The following ANKRD30B variants were observed in gnomAD, a reference collection of about 807,000 sequenced individuals.
ANKRD30B encodes the protein ankyrin repeat domain 30B, also known as ankyrin repeat domain-containing protein 30B.
Under a neutral mutation model 202.2 loss-of-function variants are expected in ANKRD30B, and 144 were observed. That is an observed-to-expected ratio of 0.71 (90% CI 0.62 to 0.82). The LOEUF is 0.82. Among genes scored for constraint, ANKRD30B ranks in the 40% least tolerant of loss-of-function variants. ANKRD30B has a pLI of 0.00. For synonymous variants in ANKRD30B, 508 were observed against 561.3 expected (o/e 0.91, Z 1.34); for missense variants, 1,487 against 1,669.1 (o/e 0.89, Z 1.90).
chr18:14,865,616 GT>G, the ANKRD30B span, among the ~76,000 whole-genome samples: 7 of 145,314 alleles, frequency 4.8e-5, no homozygotes, highest in East Asian at 6.2e-4. Flanking sequence ...TCTACCCCCA[GT>G]TTTTTTTTTC....
intron 6 of ANKRD30B, among the ~76,000 whole-genome samples, chr18:14,761,808 G>T (rs1915304499): frequency 6.6e-6 from 1 of 152,130 alleles, no homozygotes; most frequent in African/African-American, 2.4e-5. Context: ...ACAATAAATG[G>T]TTTGCATTTA....
At chr18:14,789,160 T>A (rs1182968014) in intron 15 of ANKRD30B, among the ~76,000 whole-genome samples, 2 of 152,372 alleles carry the variant, frequency 1.3e-5, no homozygotes, top group East Asian at 3.9e-4. Flanking sequence ...GTGAGCATTT[T>A]TTCATGTGTT....
the ANKRD30B span, among the ~76,000 whole-genome samples, chr18:14,912,334 G>A: frequency 3.9e-5 from 6 of 152,134 alleles, no homozygotes; most frequent in Non-Finnish European, 8.8e-5. Flanking sequence ...ATGAAAGAAT[G>A]CTGAATTTTA....
chr18:14,831,420 A>G lies in ANKRD30B; in HGVS notation c.2812A>G (p.Thr938Ala), dbSNP rs749360616. The change falls in exon 34 of 44, where the codon ACA becomes GCA. Residue 938 changes from threonine (T) to alanine (A), a missense_variant. Physicochemically the swap from Thr to Ala is moderately conservative, Grantham distance 58. This residue lies in a region of ANKRD30B where 218 missense variants were observed against 320.1 expected (regional missense o/e 0.68). Coordinates refer to ENST00000690538, the MANE Select transcript of ANKRD30B (RefSeq NM_001367607.2). ...ACCGACTACTGAAAATTCACAGTCT[A>G]CAAAAGTTGAGGAAGACTTTAATCT... ...GKPTTENSQS[T>A]KVEEDFNLTT... The G allele has an allele frequency of 6.5e-6, 10 of 1,534,060 alleles. No individual in the cohort carries two copies. Among genetic ancestry groups the G allele is most frequent in the Non-Finnish European group, 8.8e-7 (1 of 1,139,014 alleles).
intron 30 of ANKRD30B, among the ~76,000 whole-genome samples, chr18:14,817,516 T>C (rs907808482): frequency 7.9e-5 from 12 of 152,172 alleles, no homozygotes; most frequent in African/African-American, 2.9e-4. Context: ...TGATAAACGG[T>C]TCGTTGATGA....
At chr18:14,860,164 C>T in the ANKRD30B span, among the ~76,000 whole-genome samples, 2 of 143,956 alleles carry the variant, frequency 1.4e-5, no homozygotes, top group African/African-American at 2.6e-5. Flanking sequence ...GGTGTGTCAT[C>T]CATGCAGAGG....
At chr18:14,833,050 C>T (rs1971021048) in intron 34 of ANKRD30B, among the ~76,000 whole-genome samples, 2 of 151,542 alleles carry the variant, frequency 1.3e-5, no homozygotes, top group Admixed American at 6.6e-5. Flanking sequence ...AATTCTCCTG[C>T]GTCAGCCTCC....
chr18:14,852,435 A>C lies in ANKRD30B; in HGVS notation c.4476+15A>C. 7 of 1,510,528 alleles carry C rather than the reference A, an allele frequency of 4.6e-6. No individual in the cohort carries two copies. The South Asian group carries it at 5.3e-5, about 11-fold the overall frequency. The allele number at this position is 1,510,528 out of a possible 1,614,324, so 93.6% of individuals were successfully genotyped here. A position where few individuals can be genotyped will look rare whatever the true frequency, so the allele number is the denominator to read the frequency against. Reference sequence around the variant, plus strand: ...CAGAAAGAGAAGTAAGTATCAAAAAATATAAATACTTTTCAAACTTCCTGA... The same window carrying C: ...CAGAAAGAGAAGTAAGTATCAAAAACTATAAATACTTTTCAAACTTCCTGA... On this transcript the variant is annotated intron_variant, in intron 42 of 43. Transcript: ENST00000690538.
chr18:14,761,936 C>T (rs181191769), intron 6 of ANKRD30B, among the ~76,000 whole-genome samples: 1 of 152,280 alleles, frequency 6.6e-6, no homozygotes, highest in East Asian at 1.9e-4. Context: ...TCCTCCAAAA[C>T]TTTGCTAATA....
intron 1 of ANKRD30B, among the ~76,000 whole-genome samples, chr18:14,750,218 A>G (rs1455219800): frequency 6.6e-6 from 1 of 152,164 alleles, no homozygotes; most frequent in Non-Finnish European, 1.5e-5. Flanking sequence ...TCTTCCTTTT[A>G]TAGAGAATTC....
chr18:14,783,218 A>G (rs766424013), intron 12 of ANKRD30B, among the ~76,000 whole-genome samples: 16 of 152,182 alleles, frequency 1.1e-4, no homozygotes, highest in Non-Finnish European at 1.9e-4. Flanking sequence ...TACAGTCAGT[A>G]TAGACCAATA....
chr18:14,790,379 A>G (rs1968402467), intron 15 of ANKRD30B, among the ~76,000 whole-genome samples: 3 of 152,138 alleles, frequency 2.0e-5, no homozygotes, highest in Admixed American at 6.5e-5. Context: ...AATACCCTTT[A>G]TTTCCTTCTC....
chr18:14,897,371 C>T, the ANKRD30B span, among the ~76,000 whole-genome samples: 4 of 152,068 alleles, frequency 2.6e-5, no homozygotes, highest in South Asian at 2.1e-4. Context: ...AGTAGAGACC[C>T]GGTTTTGCCA....
the ANKRD30B span, among the ~76,000 whole-genome samples, chr18:14,937,928 C>G: frequency 6.6e-6 from 1 of 152,144 alleles, no homozygotes; most frequent in Admixed American, 6.6e-5. Context: ...GGCCTGGAAC[C>G]GTTTCAAGAT....
intron 7 of ANKRD30B, among the ~76,000 whole-genome samples, chr18:14,766,636 T>C (rs1179774869): frequency 1.3e-5 from 2 of 152,154 alleles, no homozygotes; most frequent in East Asian, 3.9e-4. Flanking sequence ...AATTGGTTTA[T>C]ACGTATTTCT....
At chr18:14,892,150 C>G in the ANKRD30B span, among the ~76,000 whole-genome samples, 2 of 152,160 alleles carry the variant, frequency 1.3e-5, no homozygotes, top group African/African-American at 4.8e-5. Context: ...TCCTGCCATT[C>G]CTCCCTTTAT....
intron 40 of ANKRD30B, among the ~76,000 whole-genome samples, chr18:14,849,554 C>T (rs1374425870): frequency 6.6e-6 from 1 of 151,470 alleles, no homozygotes; most frequent in Non-Finnish European, 1.5e-5. Context: ...ATTCAGAGTT[C>T]TAGGTTAAAA....
chr18:14,809,991 C>G lies in ANKRD30B; in HGVS notation c.2392C>G (p.Pro798Ala), dbSNP rs201576383. 7.0e-7 allele frequency: 1 copy of G among 1,424,274 alleles called. No homozygotes were observed. Among genetic ancestry groups the G allele is most frequent in the South Asian group, 1.2e-5 (1 of 86,786 alleles). 88.2% of individuals were successfully genotyped at this position (1,424,274 alleles called of 1,614,324 possible). Residue 798 changes from proline to alanine, a missense_variant, in exon 27 of 44, where the codon CCT becomes GCT. Physicochemically the swap from Pro to Ala is conservative, Grantham distance 27 (BLOSUM62 -1). Around this residue, in one of 6 missense-constraint regions of ANKRD30B, gnomAD observed 218 missense variants for 320.1 expected, o/e 0.68. Coordinates refer to ENST00000690538, the MANE Select transcript of ANKRD30B (RefSeq NM_001367607.2). ...KDRETLKAES[P>A]DKDGLLKPTC... ...ATATGTCCCTTTTCTTTTAGAGTCTCCTGATAAAGATGGTCTTCTGAAGGT... is the reference window on the plus strand; with the variant it reads ...ATATGTCCCTTTTCTTTTAGAGTCTGCTGATAAAGATGGTCTTCTGAAGGT...
At chr18:14,842,838 T>C (rs1235753883) in intron 37 of ANKRD30B, 59 bp from the exon 38 acceptor site, 12 of 1,510,764 alleles carry the variant, frequency 7.9e-6, no homozygotes, top group Admixed American at 2.0e-5. Context: ...CTGGATTCAT[T>C]TGTGGCTGGT....
Sources: allele counts gnomAD v4.1 joint callset (sites outside exome capture counted in the v4.1 genomes callset), GRCh38; gene constraint gnomAD v4.1.1; regional missense constraint gnomAD v4.1.1; transcripts MANE v1.5; gene names NCBI Gene and HGNC (gene_info 2026-07-23, HGNC 2026-07-21).